The following B4GALNT3 variants were observed in gnomAD, a reference collection of about 807,000 sequenced individuals.
B4GALNT3 encodes the protein beta-1,4-N-acetyl-galactosaminyltransferase 3.
A neutral mutation model predicts 120.2 loss-of-function variants in B4GALNT3; 86 were observed. The observed-to-expected ratio is 0.72, with a 90% CI of 0.60 to 0.86. The LOEUF (loss-of-function observed/expected upper bound fraction) is 0.86, where lower values mean the gene tolerates loss of function less well. Among genes scored for constraint, B4GALNT3 ranks in the 40% least tolerant of loss-of-function variants. B4GALNT3 has a pLI of 0.00. For synonymous variants in B4GALNT3, 518 were observed against 510.4 expected (o/e 1.01, Z -0.20); for missense variants, 1,167 against 1,298.9 (o/e 0.90, Z 1.56).
At chr12:515,870 G>A (rs1946648691) in intron 1 of B4GALNT3, among the ~76,000 whole-genome samples, 1 of 152,134 alleles carries the variant, frequency 6.6e-6, no homozygotes, top group Non-Finnish European at 1.5e-5. Flanking sequence ...GGGCACAGTG[G>A]CTCATGCCTG....
intron 1 of B4GALNT3, among the ~76,000 whole-genome samples, chr12:483,762 G>A (rs936599140): frequency 1.3e-5 from 2 of 152,130 alleles, no homozygotes; most frequent in Non-Finnish European, 2.9e-5. Context: ...TCCTCACAAC[G>A]GACACTTTCT....
chr12:559,796 G>A (rs80119081), intron 19 of B4GALNT3, among the ~76,000 whole-genome samples: 8 of 152,218 alleles, frequency 5.3e-5, no homozygotes, highest in South Asian at 4.1e-4. Context: ...GCTGCCGAGC[G>A]GGGAGCCCAG....
chr12:476,139 G>A (rs370628343), intron 1 of B4GALNT3, among the ~76,000 whole-genome samples: 30 of 152,276 alleles, frequency 2.0e-4, no homozygotes, highest in Middle Eastern at 6.8e-3. Flanking sequence ...GCCTCAGTGA[G>A]CATATTATTG....
In B4GALNT3 at chr12:535,202, C is replaced by A. The variant is rs1409127263; in HGVS notation, c.206C>A (p.Ala69Asp). 1 of 1,613,842 alleles carries A rather than the reference C, an allele frequency of 6.2e-7. No homozygotes were observed. The highest frequency in any genetic ancestry group is 1.3e-5 in the African/African-American group (1 of 75,044). ...GSWRELAKAL[A>D]SRNIPAVDPH... ...TGGAGAGAACTGGCCAAGGCTCTGGCCAGCAGGAACATTCCAGCTGTGGAT... is the reference window on the plus strand; with the variant it reads ...TGGAGAGAACTGGCCAAGGCTCTGGACAGCAGGAACATTCCAGCTGTGGAT... The change falls in exon 2 of 20, where the codon GCC (alanine) becomes GAC (aspartate). Residue 69 changes from alanine (A) to aspartate (D), a missense_variant. Ala to Asp is a moderately radical substitution (Grantham distance 126). Transcript: ENST00000266383.
chr12:478,561 G>A (rs556763658), intron 1 of B4GALNT3, among the ~76,000 whole-genome samples: 1 of 152,290 alleles, frequency 6.6e-6, no homozygotes, highest in South Asian at 2.1e-4. Flanking sequence ...GAATAGGGAA[G>A]TTCAGTTTCT....
rs1262270730 is a variant in B4GALNT3, at chr12:556,780, T to C, written c.2294T>C (p.Leu765Pro). 1.2e-6 allele frequency: 2 copies of C among 1,613,888 alleles called. No homozygotes were observed. The highest frequency in any genetic ancestry group is 1.7e-5 in the Admixed American group (1 of 60,016). Reference protein sequence around the residue: ...WDPHNRRRQVLNTRAQEPKLC... With the variant: ...WDPHNRRRQVPNTRAQEPKLC... ...CCACACAACCGTAGGAGACAGGTCC[T>C]GAATACCCGGGCCCAAGAGCCCAAG... Residue 765 changes from leucine to proline, a missense_variant, in exon 15 of 20, where the codon CTG becomes CCG. Transcript: ENST00000266383.
At chr12:527,015 A>G (rs11063415) in intron 1 of B4GALNT3, among the ~76,000 whole-genome samples, 34,109 of 151,724 alleles carry the variant, frequency 0.22, 4,080 homozygotes, top group Admixed American at 0.35. Flanking sequence ...TGCAGCCTCT[A>G]CCTCCTAGGT....
chr12:559,856 G>A (rs2075030), intron 19 of B4GALNT3, among the ~76,000 whole-genome samples: 7,356 of 152,218 alleles, frequency 0.048, 331 homozygotes, highest in South Asian at 0.16. Flanking sequence ...AAAGACTTTG[G>A]GGCCAGCAGA....
chr12:530,655 T>C (rs1946797626), intron 1 of B4GALNT3, among the ~76,000 whole-genome samples: 1 of 152,248 alleles, frequency 6.6e-6, no homozygotes, highest in Non-Finnish European at 1.5e-5. Flanking sequence ...TTTCTGTTTC[T>C]GTTTCTTCAT....
chr12:543,222 C>G (rs1412713730), intron 3 of B4GALNT3: 3 of 1,283,538 alleles, frequency 2.3e-6, no homozygotes, highest in African/African-American at 3.0e-5. Flanking sequence ...GAAAGAAGTG[C>G]TGGGTGCTGG....
intron 3 of B4GALNT3, among the ~76,000 whole-genome samples, chr12:541,295 T>C (rs1182922743): frequency 6.6e-6 from 1 of 152,254 alleles, no homozygotes; most frequent in Non-Finnish European, 1.5e-5. Flanking sequence ...TGAGCTTCAA[T>C]GTCCTCACCC....
intron 1 of B4GALNT3, among the ~76,000 whole-genome samples, chr12:502,051 C>T (rs1946448913): frequency 6.6e-6 from 1 of 152,196 alleles, no homozygotes. Context: ...GGATCTAGGC[C>T]TCTCCTAAGG....
At chr12:513,028 C>T (rs1479443943) in intron 1 of B4GALNT3, among the ~76,000 whole-genome samples, 1 of 148,452 alleles carries the variant, frequency 6.7e-6, no homozygotes, top group African/African-American at 2.5e-5. Context: ...CACCTTCCAC[C>T]TTCCACCTTC....
At position 544,448 on chromosome 12, in the gene B4GALNT3, G is replaced by A. The variant is rs772256546; in HGVS notation, c.447+14G>A. 10 of 1,608,856 alleles carry A rather than the reference G, an allele frequency of 6.2e-6. No individual in the cohort carries two copies. In the Admixed American group the frequency reaches 1.0e-4, roughly 16 times the overall value. On this transcript the variant is annotated intron_variant, in intron 4 of 19. Transcript: ENST00000266383. ...CTGTACCCCCATGTGAGTGCCTGAGGGCTGCCTTGCCCACCTCCCTCCACA... is the reference window on the plus strand; with the variant it reads ...CTGTACCCCCATGTGAGTGCCTGAGAGCTGCCTTGCCCACCTCCCTCCACA...
intron 1 of B4GALNT3, among the ~76,000 whole-genome samples, chr12:471,384 CAATAAATAAATAAATAAATAAATA>C (rs111851364): frequency 7.3e-6 from 1 of 137,262 alleles, no homozygotes; most frequent in African/African-American, 2.7e-5. Context: ...GACTCTGTCT[CAATAAATAAATAAATAAATAAATA>C]AATAAATAAA....
intron 1 of B4GALNT3, among the ~76,000 whole-genome samples, chr12:462,945 G>T (rs1486942915): frequency 6.6e-6 from 1 of 152,138 alleles, no homozygotes; most frequent in Non-Finnish European, 1.5e-5. Context: ...AGGTGGGAAG[G>T]GGGTTGCTAG....
intron 1 of B4GALNT3, among the ~76,000 whole-genome samples, chr12:504,143 C>T (rs1044586239): frequency 6.8e-6 from 1 of 147,710 alleles, no homozygotes; most frequent in African/African-American, 2.5e-5. Flanking sequence ...GTTAAAGTAA[C>T]ACATGCTCAT....
At position 561,494 on chromosome 12, in the gene B4GALNT3, A is replaced by G. The variant is rs752718875; in HGVS notation, c.*43A>G. On this transcript the variant is annotated 3_prime_UTR_variant, in exon 20 of 20. Coordinates refer to ENST00000266383, the MANE Select transcript of B4GALNT3 (RefSeq NM_173593.4). The stretch of plus-strand genomic sequence containing the variant: ...GGCCCAGCACTCCCCGCTCTGGACT[A>G]GCAGTGGCTCCCCAGGGCCCTGCTA... 2 of 1,471,578 alleles carry G rather than the reference A, an allele frequency of 1.4e-6. No individual in the cohort carries two copies. Among genetic ancestry groups the G allele is most frequent in the Admixed American group, 3.6e-5 (2 of 56,094 alleles). 91.2% of individuals were successfully genotyped at this position (1,471,578 alleles called of 1,614,324 possible). A position where few individuals can be genotyped will look rare whatever the true frequency, so the allele number is the denominator to read the frequency against.
intron 14 of B4GALNT3, 32 bp downstream of exon 14, chr12:554,015 C>A: frequency 2.0e-6 from 3 of 1,501,526 alleles, no homozygotes; most frequent in Non-Finnish European, 1.8e-6. Context: ...GGGCCAGGGA[C>A]TGGGGCACGT....
Sources: gnomAD v4.1 joint callset for allele counts (sites outside exome capture counted in the v4.1 genomes callset) on GRCh38, gnomAD v4.1.1 for gene constraint, MANE v1.5 for transcripts, NCBI Gene and HGNC (gene_info 2026-07-23, HGNC 2026-07-21) for gene names.